DCAF8: variants seen among roughly 807,000 people sequenced by gnomAD.
DCAF8 encodes the protein DDB1- and CUL4-associated factor 8.
In DCAF8, 20 loss-of-function variants were observed where a neutral mutation model predicts 68.0. The ratio of observed to expected loss-of-function variants is 0.29; its 90% confidence interval spans 0.21 to 0.43. DCAF8 has a LOEUF of 0.43. Among genes scored for constraint, DCAF8 ranks in the 20% least tolerant of loss-of-function variants. The pLI is 1.00. For missense variants in DCAF8, 460 were observed against 771.0 expected (o/e 0.60, Z 4.78); for synonymous variants, 230 against 276.9 (o/e 0.83, Z 1.68).
intron 2 of DCAF8, among the ~76,000 whole-genome samples, chr1:160,254,125 C>G (rs748374917): frequency 6.6e-6 from 1 of 151,912 alleles, no homozygotes; most frequent in African/African-American, 2.4e-5. Flanking sequence ...AGTTTGAGAC[C>G]AGCCTGGCCA....
chr1:160,229,474 A>G (rs774216333), intron 7 of DCAF8, among the ~76,000 whole-genome samples: 13 of 152,234 alleles, frequency 8.5e-5, no homozygotes, highest in Non-Finnish European at 1.6e-4. Context: ...TATGATATAC[A>G]TATCATATGA....
At chr1:160,258,846 T>C (rs143510230) in intron 2 of DCAF8, among the ~76,000 whole-genome samples, 8 of 152,332 alleles carry the variant, frequency 5.3e-5, no homozygotes, top group South Asian at 2.1e-4. Flanking sequence ...CACCTGGACA[T>C]TCTTACCCAG....
intron 2 of DCAF8, among the ~76,000 whole-genome samples, chr1:160,256,012 CT>C (rs11284812): frequency 0.26 from 19,806 of 75,450 alleles, 2,405 homozygotes; most frequent in Non-Finnish European, 0.31. Context: ...ACTAAGCAAA[CT>C]TTTTTTTTTT....
rs1655101198 is a variant in DCAF8, at chr1:160,216,001, G to A, written c.*1591C>T. Reference sequence around the variant, plus strand: ...ACTGTCCCAGGATACAGAATTCTTGGTTGGATCTTGTGGAACTGGGGGCAA... The same window carrying A: ...ACTGTCCCAGGATACAGAATTCTTGATTGGATCTTGTGGAACTGGGGGCAA... On this transcript the variant is annotated 3_prime_UTR_variant, in exon 14 of 14. Transcript: ENST00000368074. 1 of 152,144 alleles carries A rather than the reference G, an allele frequency of 6.6e-6. No homozygotes were observed. The highest frequency in any genetic ancestry group is 1.5e-5 in the Non-Finnish European group (1 of 68,026). The allele number at this position is 152,144 out of a possible 1,614,324, so 9.4% of individuals were successfully genotyped here.
Position 160,242,218 on chromosome 1 carries a change from T to A in DCAF8, c.49+1742A>T, listed in dbSNP as rs148327428. 4.4e-3 allele frequency among the ~76,000 whole-genome samples: 660 copies of A among 150,884 alleles called. 5 individuals are homozygous for A. The highest frequency in any genetic ancestry group is 0.015 in the African/African-American group (622 of 40,984). On this transcript the variant is annotated intron_variant, in intron 3 of 13. Transcript: ENST00000368074. ...CGAGATTGTGCCACCGTACTCCAGC[T>A]TGGTAACAAGAGCAAAACTCTGTCT... is the stretch of plus-strand genomic sequence containing the variant.
rs571775760 is a variant in DCAF8, at chr1:160,248,010, T to G, written c.-26-3976A>C. Among the ~76,000 whole-genome samples, 17 of 152,288 alleles carry G rather than the reference T, an allele frequency of 1.1e-4. No individual in the cohort carries two copies. In the East Asian group the frequency reaches 3.1e-3, roughly 28 times the overall value. On this transcript the variant is annotated intron_variant, in intron 2 of 13. Coordinates refer to ENST00000368074, the MANE Select transcript of DCAF8 (RefSeq NM_015726.4). ...ATTAATCAGTTGGATTTATCAAAAT[T>G]AATAAATTCTGATAAATCTGAGCGG...
chr1:160,226,960 G>C (rs1655498036), intron 7 of DCAF8, among the ~76,000 whole-genome samples: 1 of 152,190 alleles, frequency 6.6e-6, no homozygotes, highest in South Asian at 2.1e-4. Flanking sequence ...ATTGGTAATG[G>C]AATTAGATCT....
At chr1:160,248,580 A>G (rs996415500) in intron 2 of DCAF8, among the ~76,000 whole-genome samples, 2 of 151,794 alleles carry the variant, frequency 1.3e-5, no homozygotes, top group African/African-American at 4.8e-5. Flanking sequence ...CTAAAATACA[A>G]AAAAATTAGG....
At chr1:160,245,158 C>A (rs1423903450) in intron 2 of DCAF8, among the ~76,000 whole-genome samples, 1 of 152,214 alleles carries the variant, frequency 6.6e-6, no homozygotes, top group African/African-American at 2.4e-5. Context: ...TCACCAGACT[C>A]ATCTTTCCTT....
intron 2 of DCAF8, among the ~76,000 whole-genome samples, chr1:160,253,195 TAA>T (rs1004435597): frequency 1.6e-4 from 24 of 151,982 alleles, no homozygotes; most frequent in African/African-American, 5.3e-4. Context: ...AAGTCAAGAA[TAA>T]AAAGGTTTCA....
chr1:160,223,346 T>C (rs1040343610), intron 10 of DCAF8, among the ~76,000 whole-genome samples: 4 of 152,206 alleles, frequency 2.6e-5, no homozygotes, highest in African/African-American at 9.7e-5. Flanking sequence ...CCTTCCTTTA[T>C]CTGCCTGTGT....
chr1:160,219,077 C>A, intron 11 of DCAF8, 109 bp from the exon 12 acceptor site: 1 of 1,489,290 alleles, frequency 6.7e-7, no homozygotes, highest in South Asian at 1.3e-5. Context: ...GCTGAGGCAG[C>A]TGCTGGGGAA....
intron 2 of DCAF8, among the ~76,000 whole-genome samples, chr1:160,254,665 G>A (rs1056201426): frequency 1.3e-5 from 2 of 152,040 alleles, no homozygotes; most frequent in Non-Finnish European, 2.9e-5. Context: ...GGTGGCATGC[G>A]CCTGTAGTCT....
At chr1:160,237,728 T>TG (rs1655945637) in intron 5 of DCAF8, among the ~76,000 whole-genome samples, 1 of 151,718 alleles carries the variant, frequency 6.6e-6, no homozygotes, top group South Asian at 2.1e-4. Context: ...TTTCCACAGA[T>TG]GGGGTCTTGC....
chr1:160,234,632 A>G (rs191623446), intron 6 of DCAF8, among the ~76,000 whole-genome samples: 4 of 152,308 alleles, frequency 2.6e-5, no homozygotes, highest in Admixed American at 2.6e-4. Context: ...CAACTCTTTA[A>G]CACAGCATAT....
chr1:160,253,051 CAATT>C (rs1292616912), intron 2 of DCAF8, among the ~76,000 whole-genome samples: 6 of 152,084 alleles, frequency 3.9e-5, no homozygotes, highest in African/African-American at 7.2e-5. Flanking sequence ...CTAAAACAAA[CAATT>C]AGTTACCTAA....
intron 2 of DCAF8, among the ~76,000 whole-genome samples, chr1:160,245,607 G>A (rs1442554027): frequency 5.3e-5 from 8 of 152,206 alleles, no homozygotes; most frequent in African/African-American, 1.9e-4. Flanking sequence ...TTCAGGAAGG[G>A]ACACCTGGAA....
intron 2 of DCAF8, among the ~76,000 whole-genome samples, chr1:160,257,870 G>A (rs1365768347): frequency 6.6e-6 from 1 of 152,148 alleles, no homozygotes; most frequent in Non-Finnish European, 1.5e-5. Context: ...AGATGGGACT[G>A]CAAGTACTTG....
chr1:160,215,852 G>GTC lies in DCAF8; in HGVS notation c.*1739_*1740insGA, dbSNP rs1478362734. On this transcript the variant is annotated 3_prime_UTR_variant, in exon 14 of 14. Transcript: ENST00000368074. Reference sequence around the variant, plus strand: ...CACCACACATTCCCTACCTCAGGGAGTAAGTACAGCAGCCAACATCTGGTC... The same window carrying GTC: ...CACCACACATTCCCTACCTCAGGGAGTCTAAGTACAGCAGCCAACATCTGGTC... 1 of 152,200 alleles carries GTC rather than the reference G, an allele frequency of 6.6e-6. No individual in the cohort carries two copies. The allele number at this position is 152,200 out of a possible 1,614,324, so 9.4% of individuals were successfully genotyped here.
Sources: gnomAD v4.1 joint callset for allele counts (sites outside exome capture counted in the v4.1 genomes callset) on GRCh38, gnomAD v4.1.1 for gene constraint, MANE v1.5 for transcripts, NCBI Gene and HGNC (gene_info 2026-07-23, HGNC 2026-07-21) for gene names.